The following UEVLD variants were observed in gnomAD, a reference collection of about 807,000 sequenced individuals.
UEVLD encodes the protein UEV and lactate/malate dehyrogenase domains, also known as ubiquitin-conjugating enzyme E2 variant 3.
Under a neutral mutation model 58.6 loss-of-function variants are expected in UEVLD, and 47 were observed. The ratio of observed to expected loss-of-function variants is 0.80; its 90% CI spans 0.63 to 1.02. The LOEUF is 1.02. Ranked by LOEUF, UEVLD falls within the 50% of genes least tolerant of loss-of-function variation. UEVLD has a pLI of 0.00. For missense variants in UEVLD, 510 were observed against 550.6 expected, an observed-to-expected ratio of 0.93 and a Z score of 0.74; for synonymous variants, 197 against 195.3, an observed-to-expected ratio of 1.01 and a Z score of -0.07.
At position 18,544,703 on chromosome 11, in the gene UEVLD, T is replaced by C. The variant is rs564837223; in HGVS notation, c.980A>G (p.Gln327Arg). 6 of 1,586,066 alleles carry C rather than the reference T, an allele frequency of 3.8e-6. No homozygotes were observed. The African/African-American group carries it at 5.5e-5, about 14-fold the overall frequency. ...CTTCAAAACATTTGTAATAATATACTGTAATCTCTGTGAATCCAGATTACA... is the reference window on the plus strand; with the variant it reads ...CTTCAAAACATTTGTAATAATATACCGTAATCTCTGTGAATCCAGATTACA... ...IGCNLDSQRLQYIITNVLKAQ... is the reference protein window; with the variant it reads ...IGCNLDSQRLRYIITNVLKAQ... The change falls in exon 9 of 12, where the codon CAG (glutamine) becomes CGG (arginine). Residue 327 changes from glutamine (Q) to arginine (R), a missense_variant. Transcript: ENST00000396197.
In UEVLD at chr11:18,547,029, G is replaced by C; in HGVS notation, c.737C>G (p.Ser246Cys). ...ISKDLSASAH[S>C]KVVIFTVNSL... ...GTTGACTGTGAAGATCACCACCTTGGAATGAGCAGAGGCAGACAAATCTAG... is the reference window on the plus strand; with the variant it reads ...GTTGACTGTGAAGATCACCACCTTGCAATGAGCAGAGGCAGACAAATCTAG... Residue 246 changes from serine (S) to cysteine (C), a missense_variant, in exon 8 of 12, where the codon TCC becomes TGC. Ser to Cys is a moderately radical substitution (Grantham distance 112, BLOSUM62 -1). Coordinates refer to ENST00000396197, the MANE Select transcript of UEVLD (RefSeq NM_001040697.4). 6.2e-7 allele frequency: 1 copy of C among 1,613,314 alleles called. No homozygotes were observed.
chr11:18,534,248 G>C (rs1590302428), intron 11 of UEVLD, 82 bp downstream of exon 11: 8 of 1,087,438 alleles, frequency 7.4e-6, no homozygotes, highest in Non-Finnish European at 9.8e-6. Context: ...CCTGGGGTTA[G>C]AGTATGAATA....
intron 1 of UEVLD, 29 bp downstream of exon 1, chr11:18,588,584 C>T (rs974126148): frequency 1.2e-6 from 2 of 1,608,054 alleles, no homozygotes; most frequent in African/African-American, 1.3e-5. Flanking sequence ...ACCCTGAGGA[C>T]CCAAACTGGC....
chr11:18,566,242 C>T, intron 5 of UEVLD, 105 bp downstream of exon 5: 1 of 1,493,848 alleles, frequency 6.7e-7, no homozygotes. Context: ...TGTACATACG[C>T]ACACAAATTT....
At chr11:18,543,049 T>TA (rs1293372774) in intron 9 of UEVLD, among the ~76,000 whole-genome samples, 2 of 151,986 alleles carry the variant, frequency 1.3e-5, no homozygotes, top group Non-Finnish European at 2.9e-5. Flanking sequence ...CGTGCTGCCA[T>TA]GCCTAGCTAA....
At position 18,530,199 on chromosome 11, in the gene UEVLD, A is replaced by G. The variant is rs190235823; in HGVS notation, c.*2121T>C. 6.6e-6 allele frequency: 1 copy of G among 152,358 alleles called. No individual in the cohort carries two copies. The highest frequency in any genetic ancestry group is 1.9e-4 in the East Asian group (1 of 5,188). The allele number at this position is 152,358 out of a possible 1,614,324, so 9.4% of individuals were successfully genotyped here. On this transcript the variant is annotated 3_prime_UTR_variant, in exon 12 of 12. Transcript: ENST00000396197. Reference sequence around the variant, plus strand: ...CACAAGAAATAGTTCTTTCAGTTTTACTTTCCTATTTCATAAAAAAGGACA... The same window carrying G: ...CACAAGAAATAGTTCTTTCAGTTTTGCTTTCCTATTTCATAAAAAAGGACA...
intron 1 of UEVLD, among the ~76,000 whole-genome samples, chr11:18,583,203 C>T (rs1402848892): frequency 6.3e-5 from 9 of 143,804 alleles, no homozygotes; most frequent in Admixed American, 4.3e-4. Context: ...GGATTACAGG[C>T]GTGAGCCATT....
intron 5 of UEVLD, among the ~76,000 whole-genome samples, chr11:18,566,025 A>G (rs1311354707): frequency 6.6e-6 from 1 of 151,044 alleles, no homozygotes; most frequent in African/African-American, 2.4e-5. Flanking sequence ...CAGCCACCCA[A>G]GTAGCTGGGA....
rs1279721551 is a variant in UEVLD at position 18,531,682 on chromosome 11, T to A, written c.*638A>T. On this transcript the variant is annotated 3_prime_UTR_variant, in exon 12 of 12. Transcript: ENST00000396197. ...CAGGAAGAGGTTATGGAAAATTTCA[T>A]AAAGGAAGTCCCACTGGAAATTAAA... 1 of 152,230 alleles carries A rather than the reference T, an allele frequency of 6.6e-6. No homozygotes were observed. The highest frequency in any genetic ancestry group is 1.5e-5 in the Non-Finnish European group (1 of 68,038). The allele number at this position is 152,230 out of a possible 1,614,324, so 9.4% of individuals were successfully genotyped here.
chr11:18,578,970 T>C (rs1265768501), intron 1 of UEVLD, among the ~76,000 whole-genome samples, 162 bp from the exon 2 acceptor site: 6 of 152,124 alleles, frequency 3.9e-5, no homozygotes, highest in African/African-American at 1.2e-4. Context: ...TGGGTTTAAG[T>C]GATTCTCTTG....
chr11:18,540,205 A>G (rs1158883392), intron 9 of UEVLD, among the ~76,000 whole-genome samples: 5 of 152,234 alleles, frequency 3.3e-5, no homozygotes, highest in Admixed American at 2.6e-4. Context: ...AACCTTGGGC[A>G]AATTACTTAT....
intron 4 of UEVLD, 140 bp from the exon 5 acceptor site, chr11:18,566,622 G>C: frequency 3.7e-6 from 3 of 819,994 alleles, no homozygotes; most frequent in Non-Finnish European, 3.7e-6. Flanking sequence ...TCCAGCTTGG[G>C]CAACAGAATG....
intron 2 of UEVLD, 59 bp from the exon 3 acceptor site, chr11:18,575,471 A>C: frequency 6.5e-7 from 1 of 1,534,640 alleles, no homozygotes; most frequent in Non-Finnish European, 8.8e-7. Flanking sequence ...GAACTGTAGT[A>C]AAGTATGTAA....
rs1853077357 is a variant in UEVLD, at chr11:18,578,814, A to G, written c.43-6T>C. On this transcript the variant is annotated splice_polypyrimidine_tract_variant and splice_region_variant and intron_variant, in intron 1 of 11. Coordinates refer to ENST00000396197, the MANE Select transcript of UEVLD (RefSeq NM_001040697.4). ...GTTAGGTCCCTGAACTTGTACTGAAAAGAGAAAAATAAGCATGGAGTAAGA... is the reference window on the plus strand; with the variant it reads ...GTTAGGTCCCTGAACTTGTACTGAAGAGAGAAAAATAAGCATGGAGTAAGA... 7.0e-6 allele frequency: 11 copies of G among 1,572,946 alleles called. No individual in the cohort carries two copies. Among genetic ancestry groups the G allele is most frequent in the Non-Finnish European group, 9.5e-6 (11 of 1,160,206 alleles).
chr11:18,560,130 CACACACACAG>C (rs1341676180), intron 6 of UEVLD, among the ~76,000 whole-genome samples: 7 of 86,066 alleles, frequency 8.1e-5, no homozygotes, highest in African/African-American at 3.5e-4. Flanking sequence ...CACACACACA[CACACACACAG>C]AGAGAGAAAG....
intron 11 of UEVLD, 87 bp downstream of exon 11, chr11:18,534,243 G>A (rs1482469922): frequency 5.8e-6 from 6 of 1,037,206 alleles, no homozygotes; most frequent in East Asian, 3.2e-5. Context: ...AGACACCTGG[G>A]GTTAGAGTAT....
intron 7 of UEVLD, among the ~76,000 whole-genome samples, chr11:18,552,814 T>C (rs536117254): frequency 7.3e-5 from 11 of 151,092 alleles, no homozygotes; most frequent in African/African-American, 1.7e-4. Flanking sequence ...AGAGCCAAGA[T>C]TGCACCACCG....
At chr11:18,538,387 T>C (rs144796822) in intron 9 of UEVLD, among the ~76,000 whole-genome samples, 9,792 of 151,014 alleles carry the variant, frequency 0.065, 364 homozygotes, top group Non-Finnish European at 0.08. Context: ...AGCGATTCTA[T>C]TGCCTCAGCC....
intron 10 of UEVLD, 117 bp from the exon 11 acceptor site, chr11:18,534,570 A>G: frequency 1.9e-6 from 2 of 1,054,964 alleles, no homozygotes; most frequent in Non-Finnish European, 2.7e-6. Flanking sequence ...TTATGCAGCA[A>G]TTGTTAGGGA....
Sources: gnomAD v4.1 joint callset for allele counts (sites outside exome capture counted in the v4.1 genomes callset) on GRCh38, gnomAD v4.1.1 for gene constraint, MANE v1.5 for transcripts, NCBI Gene and HGNC (gene_info 2026-07-23, HGNC 2026-07-21) for gene names.